Variants in EGFR observed in about 807,000 individuals in gnomAD.
EGFR encodes avian erythroblastic leukemia viral (v-erb-b) oncogene homolog.
Under a neutral mutation model 143.0 loss-of-function variants are expected in EGFR, and 58 were observed. That is an observed-to-expected ratio of 0.41 (90% CI 0.33 to 0.50). The LOEUF is 0.50. EGFR is among the 20% of genes least tolerant of loss of function. The pLI, the probability that EGFR is intolerant of heterozygous loss-of-function variation, is 0.39. For synonymous variants in EGFR, 613 were observed against 594.4 expected (o/e 1.03, Z -0.45); for missense variants, 1,307 against 1,579.0 (o/e 0.83, Z 2.92).
At chr7:55,028,623 A>G (rs1787071269) in intron 1 of EGFR, among the ~76,000 whole-genome samples, 1 of 152,198 alleles carries the variant, frequency 6.6e-6, no homozygotes, top group Non-Finnish European at 1.5e-5. Flanking sequence ...ATTCTCATAC[A>G]CTGTAAGCCA....
intron 27 of EGFR, among the ~76,000 whole-genome samples, chr7:55,204,891 CACAT>C (rs1476260311): frequency 2.7e-5 from 4 of 149,774 alleles, no homozygotes; most frequent in Admixed American, 6.7e-5. Flanking sequence ...ACACCACACA[CACAT>C]ACACCACACA....
chr7:55,054,307 C>T (rs1336613932), intron 1 of EGFR, among the ~76,000 whole-genome samples: 1 of 152,206 alleles, frequency 6.6e-6, no homozygotes, highest in Admixed American at 6.5e-5. Context: ...CTCAGGATTC[C>T]ACCTCCAAGT....
chr7:55,142,563 CA>C, intron 2 of EGFR, 126 bp downstream of exon 2: 2 of 1,220,882 alleles, frequency 1.6e-6, no homozygotes, highest in Non-Finnish European at 2.4e-6. Context: ...TACAGAGCTA[CA>C]AACGAGAGTT....
At chr7:55,086,430 T>C (rs1216324340) in intron 1 of EGFR, among the ~76,000 whole-genome samples, 1 of 152,278 alleles carries the variant, frequency 6.6e-6, no homozygotes, top group African/African-American at 2.4e-5. Flanking sequence ...CTGTGGCTTT[T>C]CTGTGAGTCA....
At chr7:55,030,663 G>A (rs1787196139) in intron 1 of EGFR, among the ~76,000 whole-genome samples, 1 of 152,190 alleles carries the variant, frequency 6.6e-6, no homozygotes, top group South Asian at 2.1e-4. Context: ...AGATTTGTAA[G>A]ACTCATTTCT....
chr7:55,168,104 G>A (rs1453236989), intron 15 of EGFR, among the ~76,000 whole-genome samples: 1 of 152,128 alleles, frequency 6.6e-6, no homozygotes, highest in Non-Finnish European at 1.5e-5. Context: ...TTTCGCCTTT[G>A]GGTATACCAA....
intron 1 of EGFR, among the ~76,000 whole-genome samples, chr7:55,117,873 A>C (rs1474274201): frequency 6.6e-6 from 1 of 152,114 alleles, no homozygotes; most frequent in Admixed American, 6.5e-5. Context: ...AACACTGAAA[A>C]TTTGCAATTA....
chr7:55,198,976 C>A, intron 23 of EGFR, 113 bp downstream of exon 23: 1 of 1,389,722 alleles, frequency 7.2e-7, no homozygotes, highest in Non-Finnish European at 1.0e-6. Context: ...TTACTTAAGG[C>A]AGGCACACAA....
chr7:55,051,037 T>G (rs1044771611), intron 1 of EGFR, among the ~76,000 whole-genome samples: 2 of 152,164 alleles, frequency 1.3e-5, no homozygotes, highest in Admixed American at 6.5e-5. Context: ...CAGCATCCAT[T>G]CATTCTGGGA....
intron 1 of EGFR, among the ~76,000 whole-genome samples, chr7:55,047,658 G>A (rs191076590): frequency 6.6e-6 from 1 of 152,340 alleles, no homozygotes; most frequent in African/African-American, 2.4e-5. Flanking sequence ...GGCTGAGGCA[G>A]GGGAATCACT....
intron 24 of EGFR, chr7:55,200,631 G>A (rs142580446): frequency 2.1e-4 from 129 of 620,412 alleles, no homozygotes; most frequent in African/African-American, 2.0e-3. Context: ...CCCCCTCCCC[G>A]TCTGAACTCT....
At chr7:55,023,575 C>T (rs139731409) in intron 1 of EGFR, among the ~76,000 whole-genome samples, 3,160 of 144,804 alleles carry the variant, frequency 0.022, 52 homozygotes, top group Non-Finnish European at 0.034. Context: ...TGCTTGAACC[C>T]AGGAGGCAGA....
chr7:55,178,515 G>T (rs1047444317), intron 19 of EGFR, among the ~76,000 whole-genome samples: 2 of 152,182 alleles, frequency 1.3e-5, no homozygotes, highest in Admixed American at 1.3e-4. Flanking sequence ...GGGAGCCAGG[G>T]TCAGGAGACC....
intron 5 of EGFR, 154 bp from the exon 6 acceptor site, chr7:55,152,392 A>G: frequency 1.3e-6 from 1 of 796,124 alleles, no homozygotes. Context: ...GCAATCAGAA[A>G]AGGGCATGGT....
chr7:55,163,924 G>A (rs1785836405), intron 14 of EGFR, 101 bp downstream of exon 14: 1 of 1,303,316 alleles, frequency 7.7e-7, no homozygotes, highest in Non-Finnish European at 1.1e-6. Context: ...GGGCAGGACG[G>A]CCATCAGAGC....
intron 21 of EGFR, 70 bp downstream of exon 21, chr7:55,191,944 G>GTATTGTTTAACA (rs1787416773): frequency 1.2e-6 from 2 of 1,601,288 alleles, no homozygotes; most frequent in Admixed American, 3.3e-5. Context: ...CCCACTAGCT[G>GTATTGTTTAACA]TATTGTTTAA....
At chr7:55,032,594 C>T (rs372712786) in intron 1 of EGFR, among the ~76,000 whole-genome samples, 1 of 152,144 alleles carries the variant, frequency 6.6e-6, no homozygotes, top group East Asian at 1.9e-4. Context: ...GGACAGCTAG[C>T]TTTGCTGGCT....
At chr7:55,126,965 A>T (rs1454431667) in intron 1 of EGFR, among the ~76,000 whole-genome samples, 2 of 152,198 alleles carry the variant, frequency 1.3e-5, no homozygotes, top group African/African-American at 4.8e-5. Flanking sequence ...CCTCAAACTA[A>T]CACTAAATAA....
chr7:55,109,265 G>C (rs567292444), intron 1 of EGFR, among the ~76,000 whole-genome samples: 5 of 152,306 alleles, frequency 3.3e-5, no homozygotes, highest in African/African-American at 7.2e-5. Flanking sequence ...CTAAACAAAA[G>C]GGGTCTGGAT....
Sources: allele counts gnomAD v4.1 joint callset (sites outside exome capture counted in the v4.1 genomes callset), GRCh38; gene constraint gnomAD v4.1.1; transcripts MANE v1.5; gene names NCBI Gene and HGNC (gene_info 2026-07-23, HGNC 2026-07-21).